The following ZXDC variants were observed in gnomAD, a reference collection of about 807,000 sequenced individuals.
ZXDC encodes the protein zinc finger protein ZXDC.
Under a neutral mutation model 63.6 loss-of-function variants are expected in ZXDC, and 58 were observed. That is an observed-to-expected ratio of 0.91 (90% CI 0.74 to 1.13). The LOEUF (loss-of-function observed/expected upper bound fraction) is 1.13. Ranked by LOEUF, ZXDC falls within the 50% of genes most tolerant of loss-of-function variation. The pLI, the probability that ZXDC is intolerant of heterozygous loss-of-function variation, is 0.00. For synonymous variants in ZXDC, 561 were observed against 496.1 expected (o/e 1.13, Z -1.74); for missense variants, 1,133 against 1,148.9 (o/e 0.99, Z 0.20).
At position 126,474,846 on chromosome 3, in the gene ZXDC, A is replaced by G. The variant is rs543772090; in HGVS notation, c.907+113T>C. 1.5e-5 allele frequency: 19 copies of G among 1,235,980 alleles called. No homozygotes were observed. In the East Asian group the frequency reaches 4.6e-4, roughly 30 times the overall value. The allele number at this position is 1,235,980 out of a possible 1,614,324, so 76.6% of individuals were successfully genotyped here. A position where few individuals can be genotyped will look rare whatever the true frequency, so the allele number is the denominator to read the frequency against. On this transcript the variant is annotated intron_variant, in intron 1 of 9. Coordinates refer to ENST00000389709, the MANE Select transcript of ZXDC (RefSeq NM_025112.5). Reference sequence around the variant, plus strand: ...AGGAGCTAGAATACAAATCCCGAAGAGCCTGCGTCCCCGGCTTGCTAAGGT... The same window carrying G: ...AGGAGCTAGAATACAAATCCCGAAGGGCCTGCGTCCCCGGCTTGCTAAGGT...
chr3:126,447,753 T>C (rs997689561), intron 7 of ZXDC, among the ~76,000 whole-genome samples: 8 of 152,248 alleles, frequency 5.3e-5, no homozygotes, highest in African/African-American at 1.9e-4. Context: ...TCAACTGCCC[T>C]GTTCGGCCTC....
At chr3:126,452,251 T>C in intron 7 of ZXDC, 2 of 985,440 alleles carry the variant, frequency 2.0e-6, no homozygotes, top group South Asian at 9.4e-5. Flanking sequence ...CATTTTCCGT[T>C]TTCTTAGACG....
chr3:126,455,660 G>C, intron 7 of ZXDC, among the ~76,000 whole-genome samples: 1 of 152,294 alleles, frequency 6.6e-6, no homozygotes, highest in East Asian at 1.9e-4. Context: ...AATAAATGGT[G>C]ATAATATTGA....
rs908027521 is a variant in ZXDC, at chr3:126,459,956, G to C, written c.2128-219C>G. 1.8e-5 allele frequency: 18 copies of C among 985,362 alleles called. No homozygotes were observed. The African/African-American group carries it at 3.1e-4, about 17-fold the overall frequency. The allele number at this position is 985,362 out of a possible 1,614,324, so 61.0% of individuals were successfully genotyped here. A position where few individuals can be genotyped will look rare whatever the true frequency, so the allele number is the denominator to read the frequency against. Reference sequence around the variant, plus strand: ...AATGTATGTGACTTTCTTATCCAGAGAAGCAAAGTTCATTCCTTCATAGTC... The same window carrying C: ...AATGTATGTGACTTTCTTATCCAGACAAGCAAAGTTCATTCCTTCATAGTC... On this transcript the variant is annotated intron_variant, in intron 6 of 9. Transcript: ENST00000389709.
rs1020292466 is a variant in ZXDC, at chr3:126,466,215, G to C, written c.1381C>G (p.Leu461Val). The part of the protein sequence containing the change: ...SRCPVSTCNR[L>V]FTSKHSMKAH... The stretch of plus-strand genomic sequence containing the variant: ...TTCATGCTGTGCTTGGAGGTGAAGA[G>C]TCTGTTGCAGGTAGAAACTGGGCAA... The change falls in exon 5 of 10, where the codon CTC becomes GTC. Residue 461 changes from leucine to valine, a missense_variant. By Grantham distance (32) the Leu-to-Val change is conservative. Transcript: ENST00000389709. The C allele has an allele frequency of 2.5e-6, 4 of 1,614,122 alleles. No homozygotes were observed. Among genetic ancestry groups the C allele is most frequent in the Admixed American group, 1.7e-5 (1 of 60,010 alleles).
Position 126,470,944 on chromosome 3 carries a change from G to A in ZXDC, c.1221C>T (p.Gly407=). ...KSFTRAEHLK[G]HSITHLGTKP... ...TTGTGCCTAGGTGGGTTATGCTGTGGCCTTTCAGATGCTCTGCTCTGGTGA... is the reference window on the plus strand; with the variant it reads ...TTGTGCCTAGGTGGGTTATGCTGTGACCTTTCAGATGCTCTGCTCTGGTGA... Residue 407 remains glycine, a synonymous_variant, in exon 4 of 10, where the codon GGC becomes GGT. Transcript: ENST00000389709. The A allele has an allele frequency of 1.2e-6, 2 of 1,614,212 alleles. No homozygotes were observed. The highest frequency in any genetic ancestry group is 1.7e-6 in the Non-Finnish European group (2 of 1,180,044).
intron 7 of ZXDC, among the ~76,000 whole-genome samples, chr3:126,446,753 T>A (rs116128788): frequency 8.3e-4 from 127 of 152,354 alleles, no homozygotes; most frequent in African/African-American, 2.9e-3. Context: ...AATATGTTAA[T>A]ATACTTATCC....
intron 4 of ZXDC, 69 bp downstream of exon 4, chr3:126,470,826 G>A: frequency 7.6e-6 from 12 of 1,587,854 alleles, no homozygotes; most frequent in Admixed American, 3.4e-5. Context: ...TTTAAACAAC[G>A]GAAACTTAAC....
At chr3:126,448,837 CCCT>C (rs1933981779) in intron 7 of ZXDC, among the ~76,000 whole-genome samples, 1 of 152,364 alleles carries the variant, frequency 6.6e-6, no homozygotes, top group South Asian at 2.1e-4. Context: ...TCTAATCTCC[CCCT>C]AATGTTCCCA....
intron 7 of ZXDC, among the ~76,000 whole-genome samples, chr3:126,455,995 A>G (rs777504): frequency 0.89 from 134,691 of 151,640 alleles, 60,598 homozygotes; most frequent in East Asian, 0.99. Flanking sequence ...GCAAGACTCC[A>G]TCTCAAAAAA....
chr3:126,450,882 C>G (rs1934076747), intron 7 of ZXDC, among the ~76,000 whole-genome samples: 2 of 152,240 alleles, frequency 1.3e-5, no homozygotes, highest in African/African-American at 4.8e-5. Flanking sequence ...CATAGGGGCC[C>G]ACTCCCTAGG....
intron 7 of ZXDC, among the ~76,000 whole-genome samples, chr3:126,446,465 C>T (rs569269460): frequency 6.6e-6 from 1 of 152,358 alleles, no homozygotes; most frequent in South Asian, 2.1e-4. Flanking sequence ...GCTCAAACAG[C>T]ATGCCATCCC....
intron 7 of ZXDC, chr3:126,454,590 A>G (rs1934237552): frequency 1.0e-6 from 1 of 985,260 alleles, no homozygotes; most frequent in Admixed American, 6.2e-5. Flanking sequence ...CATGTATTCA[A>G]TCTTCGTCTC....
chr3:126,447,033 C>T (rs894344446), intron 7 of ZXDC, among the ~76,000 whole-genome samples: 11 of 152,236 alleles, frequency 7.2e-5, no homozygotes, highest in African/African-American at 2.7e-4. Flanking sequence ...GTGCTGCTCA[C>T]ACGACAGGTC....
intron 6 of ZXDC, chr3:126,461,110 T>G: frequency 1.0e-6 from 1 of 987,596 alleles, no homozygotes; most frequent in Non-Finnish European, 1.2e-6. Context: ...AATTCTAATT[T>G]TAAAAAAGAG....
chr3:126,462,072 A>G lies in ZXDC; in HGVS notation c.1590T>C (p.Asp530=). 6.2e-7 allele frequency: 1 copy of G among 1,614,136 alleles called. No homozygotes were observed. Among genetic ancestry groups the G allele is most frequent in the Non-Finnish European group, 8.5e-7 (1 of 1,180,020 alleles). Reference sequence around the variant, plus strand: ...TCAGGATTCCGGAGTTCAGAGCCTCATCCGACCCACCTGCAGAACCACTAG... The same window carrying G: ...TCAGGATTCCGGAGTTCAGAGCCTCGTCCGACCCACCTGCAGAACCACTAG... The part of the protein sequence containing the change: ...ANASGSAGGS[D]EALNSGILTI... The change falls in exon 6 of 10, where the codon GAT becomes GAC. Residue 530 remains aspartate (D), a synonymous_variant. Coordinates refer to ENST00000389709, the MANE Select transcript of ZXDC (RefSeq NM_025112.5).
At chr3:126,460,302 G>A (rs192125347) in intron 6 of ZXDC, among the ~76,000 whole-genome samples, 16 of 152,278 alleles carry the variant, frequency 1.1e-4, no homozygotes, top group Admixed American at 9.8e-4. Flanking sequence ...GTCTGTGAAC[G>A]TTTCCTAAGA....
chr3:126,474,887 G>T, intron 1 of ZXDC, 72 bp downstream of exon 1: 2 of 1,478,360 alleles, frequency 1.4e-6, no homozygotes, highest in South Asian at 1.3e-5. Flanking sequence ...AGGCCCCTCT[G>T]TGGGGCGGAC....
chr3:126,459,635 C>T lies in ZXDC; in HGVS notation c.2212+18G>A. ...CCTCAGGCCCTTGCTCGTCCGGCTG[C>T]AGCACACACGGCCTCACCTGCATTG... On this transcript the variant is annotated intron_variant, in intron 7 of 9. Coordinates refer to ENST00000389709, the MANE Select transcript of ZXDC (RefSeq NM_025112.5). 1 of 1,614,092 alleles carries T rather than the reference C, an allele frequency of 6.2e-7. No homozygotes were observed. Among genetic ancestry groups the T allele is most frequent in the Non-Finnish European group, 8.5e-7 (1 of 1,180,010 alleles).
Sources: gnomAD v4.1 joint callset for allele counts (sites outside exome capture counted in the v4.1 genomes callset) on GRCh38, gnomAD v4.1.1 for gene constraint, MANE v1.5 for transcripts, NCBI Gene and HGNC (gene_info 2026-07-23, HGNC 2026-07-21) for gene names.